Variants in PIP5K1C observed in about 807,000 individuals in gnomAD.
PIP5K1C encodes the protein phosphatidylinositol 4-phosphate 5-kinase type-1 gamma.
A neutral mutation model predicts 80.1 loss-of-function variants in PIP5K1C; 45 were observed. The ratio of observed to expected loss-of-function variants is 0.56; its 90% confidence interval spans 0.44 to 0.72. PIP5K1C has a LOEUF of 0.72. Ranked by LOEUF, PIP5K1C falls within the 30% of genes least tolerant of loss-of-function variation. PIP5K1C has a pLI of 0.00. For missense variants in PIP5K1C, 753 were observed against 954.6 expected, an observed-to-expected ratio of 0.79 and a Z score of 2.78; for synonymous variants, 498 against 420.1, an observed-to-expected ratio of 1.19 and a Z score of -2.27.
chr19:3,637,681 C>T lies in PIP5K1C; in HGVS notation c.1920+1203G>A. 1 of 1,507,850 alleles carries T rather than the reference C, an allele frequency of 6.6e-7. No homozygotes were observed. The highest frequency in any genetic ancestry group is 8.8e-7 in the Non-Finnish European group (1 of 1,131,956). 93.4% of individuals were successfully genotyped at this position (1,507,850 alleles called of 1,614,324 possible). ...AGAGGACAGCGGATGAGGCGGCCAC[C>T]CCCGTGGTCGGGTGGGAGAGGCGGA... On this transcript the variant is annotated intron_variant, in intron 16 of 17. Coordinates refer to ENST00000335312, the MANE Select transcript of PIP5K1C (RefSeq NM_012398.3). The surrounding 1 kb of genome is among the most constrained non-coding windows in gnomAD (Gnocchi z 7.0).
intron 1 of PIP5K1C, among the ~76,000 whole-genome samples, chr19:3,678,098 AGGGAGAAT>A (rs2035441844): frequency 9.8e-6 from 1 of 102,188 alleles, no homozygotes; most frequent in African/African-American, 3.9e-5. Flanking sequence ...TGGAGGAGGG[AGGGAGAAT>A]GGAGGGATGG....
chr19:3,687,260 G>T (rs2035787618), intron 1 of PIP5K1C, among the ~76,000 whole-genome samples: 1 of 152,194 alleles, frequency 6.6e-6, no homozygotes, highest in East Asian at 1.9e-4. Flanking sequence ...TACTCAGGAG[G>T]CTGAGATAGG....
chr19:3,637,568 G>T lies in PIP5K1C; in HGVS notation c.1920+1316C>A, dbSNP rs1176300217. The T allele has an allele frequency of 6.5e-7, 1 of 1,534,868 alleles. No homozygotes were observed. Among genetic ancestry groups the T allele is most frequent in the East Asian group, 2.4e-5 (1 of 40,838 alleles). On this transcript the variant is annotated intron_variant, in intron 16 of 17. Coordinates refer to ENST00000335312, the MANE Select transcript of PIP5K1C (RefSeq NM_012398.3). The surrounding 1 kb of genome is among the most constrained non-coding windows in gnomAD (Gnocchi z 7.0). Reference sequence around the variant, plus strand: ...GAGGCGCTCAGCGTCACGGCCCGCAGTCGGCGATGGCGGGGAGAGTAAATC... The same window carrying T: ...GAGGCGCTCAGCGTCACGGCCCGCATTCGGCGATGGCGGGGAGAGTAAATC...
chr19:3,634,137 C>G (rs1022082334), intron 16 of PIP5K1C, among the ~76,000 whole-genome samples: 2 of 151,834 alleles, frequency 1.3e-5, no homozygotes, highest in Non-Finnish European at 1.5e-5. Flanking sequence ...GAGTGAGGGC[C>G]AAGTTCAGGG....
rs560044177 is a variant in PIP5K1C, at chr19:3,689,742, C to T, written c.94+10555G>A. ...AGAGGTACCATGCCAGCAATCAACA[C>T]GCAAATGGCCTGACATAATCACACA... On this transcript the variant is annotated intron_variant, in intron 1 of 17. Coordinates refer to ENST00000335312, the MANE Select transcript of PIP5K1C (RefSeq NM_012398.3). Among the ~76,000 whole-genome samples the T allele has an allele frequency of 3.9e-5, 6 of 152,246 alleles. No individual in the cohort carries two copies. In the South Asian group the frequency reaches 6.2e-4, roughly 16 times the overall value.
At chr19:3,652,854 G>A (rs1024097632) in intron 7 of PIP5K1C, among the ~76,000 whole-genome samples, 12 of 152,080 alleles carry the variant, frequency 7.9e-5, no homozygotes, top group African/African-American at 2.7e-4. Context: ...CTGAAGGCTG[G>A]GCTCTTCTCT....
chr19:3,694,491 C>T (rs977641025), intron 1 of PIP5K1C, among the ~76,000 whole-genome samples: 1 of 152,212 alleles, frequency 6.6e-6, no homozygotes, highest in Non-Finnish European at 1.5e-5. Flanking sequence ...CCAGGCCCCT[C>T]GTCTGCCTCC....
intron 2 of PIP5K1C, among the ~76,000 whole-genome samples, chr19:3,666,756 C>T (rs556184906): frequency 1.3e-5 from 2 of 150,980 alleles, no homozygotes; most frequent in South Asian, 2.1e-4. Context: ...CACACACAAA[C>T]GTGCACACAC....
intron 6 of PIP5K1C, among the ~76,000 whole-genome samples, chr19:3,655,770 C>T (rs112582338): frequency 3.9e-5 from 6 of 152,184 alleles, no homozygotes; most frequent in African/African-American, 9.6e-5. Context: ...TGCCCAGGGC[C>T]GGGCAGCAGC....
intron 5 of PIP5K1C, among the ~76,000 whole-genome samples, chr19:3,659,498 C>T (rs148665390): frequency 2.4e-3 from 364 of 152,362 alleles, no homozygotes; most frequent in African/African-American, 8.3e-3. Context: ...CTCTCTGCTA[C>T]GAGCCAGGCT....
intron 1 of PIP5K1C, among the ~76,000 whole-genome samples, chr19:3,689,078 G>C (rs2035865732): frequency 6.6e-6 from 1 of 152,150 alleles, no homozygotes; most frequent in Admixed American, 6.5e-5. Context: ...GAGTGCAGTG[G>C]TGCAATCACG....
At chr19:3,679,841 A>G (rs764032915) in intron 1 of PIP5K1C, among the ~76,000 whole-genome samples, 42 of 152,340 alleles carry the variant, frequency 2.8e-4, no homozygotes, top group South Asian at 8.3e-4. Context: ...CTGGGCACGC[A>G]TGGTGGACGG....
chr19:3,679,446 G>A (rs962210045), intron 1 of PIP5K1C, among the ~76,000 whole-genome samples: 5 of 152,178 alleles, frequency 3.3e-5, no homozygotes, highest in Admixed American at 6.5e-5. Context: ...CTTCCTACCC[G>A]CCTTGCATCC....
Position 3,639,921 on chromosome 19 carries a change from C to G in PIP5K1C, c.1788-905G>C, listed in dbSNP as rs116647917. ...TGGCCACACGGTGCATCGTGTTCAT[C>G]CCAGGAATGAGGCTAAACATGCCCT... On this transcript the variant is annotated intron_variant, in intron 15 of 17. Coordinates refer to ENST00000335312, the MANE Select transcript of PIP5K1C (RefSeq NM_012398.3). Among the ~76,000 whole-genome samples the G allele has an allele frequency of 1.6e-3, 244 of 152,284 alleles. 1 individual carries two copies. Among genetic ancestry groups the G allele is most frequent in the African/African-American group, 5.7e-3 (236 of 41,564 alleles).
chr19:3,651,796 G>A (rs1234697617), intron 8 of PIP5K1C, 30 bp downstream of exon 8: 1 of 1,598,292 alleles, frequency 6.3e-7, no homozygotes. Flanking sequence ...AGGGAAGCGG[G>A]ACGGGTCCGG....
chr19:3,633,345 C>G (rs1248378912), intron 17 of PIP5K1C, 92 bp downstream of exon 17: 1 of 1,026,042 alleles, frequency 9.7e-7, no homozygotes, highest in African/African-American at 1.6e-5. Context: ...CCGCCCCGGG[C>G]CTCAGTCCCT....
intron 1 of PIP5K1C, among the ~76,000 whole-genome samples, chr19:3,698,246 C>T (rs1480517579): frequency 6.6e-6 from 1 of 152,232 alleles, no homozygotes; most frequent in Non-Finnish European, 1.5e-5. Context: ...TCACCAAGCA[C>T]GAGCGCCAAC....
At chr19:3,642,810 G>A in intron 14 of PIP5K1C, 97 bp downstream of exon 14, 1 of 934,050 alleles carries the variant, frequency 1.1e-6, no homozygotes, top group Non-Finnish European at 1.8e-6. Flanking sequence ...AGGAGAGAAT[G>A]GGCAGAGAGC....
At chr19:3,655,253 C>T (rs1295093375) in intron 6 of PIP5K1C, among the ~76,000 whole-genome samples, 2 of 151,096 alleles carry the variant, frequency 1.3e-5, no homozygotes, top group Non-Finnish European at 1.5e-5. Flanking sequence ...CATGTCTCTA[C>T]TAAAAATATA....
Sources: gnomAD v4.1 joint callset for allele counts (sites outside exome capture counted in the v4.1 genomes callset) on GRCh38, gnomAD v4.1.1 for gene constraint, Gnocchi (gnomAD v3.1) non-coding constraint, MANE v1.5 for transcripts, NCBI Gene and HGNC (gene_info 2026-07-23, HGNC 2026-07-21) for gene names.